Variants in LSAMP observed in about 807,000 individuals in gnomAD.
LSAMP encodes the protein limbic system associated membrane protein.
LSAMP carries 7 observed loss-of-function variants against 38.6 expected under a neutral mutation model. The observed-to-expected ratio is 0.18, with a 90% CI of 0.10 to 0.34. The LOEUF (loss-of-function observed/expected upper bound fraction) is 0.34, where lower values mean the gene tolerates loss of function less well. Among genes scored for constraint, LSAMP ranks in the 10% least tolerant of loss-of-function variants. The pLI is 1.00. For synonymous variants in LSAMP, 154 were observed against 166.8 expected, an observed-to-expected ratio of 0.92 and a Z score of 0.59; for missense variants, 313 against 420.0, an observed-to-expected ratio of 0.75 and a Z score of 2.23.
chr3:116,216,176 T>G (rs1162601935), intron 1 of LSAMP, among the ~76,000 whole-genome samples: 2 of 152,220 alleles, frequency 1.3e-5, no homozygotes, highest in Non-Finnish European at 2.9e-5. Context: ...GTGATATCCC[T>G]TTAATTTAAA....
intron 3 of LSAMP, among the ~76,000 whole-genome samples, chr3:115,860,133 G>A (rs1309205693): frequency 6.6e-6 from 1 of 152,228 alleles, no homozygotes; most frequent in Admixed American, 6.5e-5. Context: ...TGTAGAGTGA[G>A]TGTTGTATGA....
chr3:116,091,486 TC>T (rs1189181960), intron 1 of LSAMP, among the ~76,000 whole-genome samples: 46 of 152,246 alleles, frequency 3.0e-4, no homozygotes, highest in African/African-American at 1.1e-3. Flanking sequence ...GTCCATGAAC[TC>T]TTCGCAATTT....
At chr3:116,345,117 T>A (rs1358187450) in intron 1 of LSAMP, among the ~76,000 whole-genome samples, 1 of 151,978 alleles carries the variant, frequency 6.6e-6, no homozygotes, top group African/African-American at 2.4e-5. Context: ...TCTGCTCTCA[T>A]GGAGATTACT....
intron 1 of LSAMP, among the ~76,000 whole-genome samples, chr3:116,259,074 T>C (rs2046792654): frequency 6.6e-6 from 1 of 152,144 alleles, no homozygotes; most frequent in South Asian, 2.1e-4. Context: ...TTTCAGTTCA[T>C]GAGTGGTGTT....
intron 3 of LSAMP, among the ~76,000 whole-genome samples, chr3:115,990,525 T>G (rs2107641662): frequency 6.6e-6 from 1 of 152,216 alleles, no homozygotes; most frequent in South Asian, 2.1e-4. Flanking sequence ...CTTATTTTCT[T>G]TCTAGCCATC....
intron 1 of LSAMP, among the ~76,000 whole-genome samples, chr3:116,296,156 C>T (rs1200728120): frequency 6.6e-6 from 1 of 152,164 alleles, no homozygotes; most frequent in Non-Finnish European, 1.5e-5. Flanking sequence ...TAATTCCGTC[C>T]CAGTCTTTGA....
chr3:115,903,450 C>T (rs1307960175), intron 3 of LSAMP, among the ~76,000 whole-genome samples: 1 of 151,752 alleles, frequency 6.6e-6, no homozygotes, highest in Non-Finnish European at 1.5e-5. Context: ...CATGAGTTTA[C>T]CTATATAAAA....
chr3:115,950,418 G>C (rs577891666), intron 3 of LSAMP, among the ~76,000 whole-genome samples: 1 of 151,610 alleles, frequency 6.6e-6, no homozygotes, highest in Non-Finnish European at 1.5e-5. Context: ...TATACAAATC[G>C]GTACCACTGC....
chr3:116,136,322 A>G (rs1024418596), intron 1 of LSAMP, among the ~76,000 whole-genome samples: 8 of 151,782 alleles, frequency 5.3e-5, no homozygotes, highest in African/African-American at 1.9e-4. Flanking sequence ...AGAAGATAAG[A>G]GTGTGCTTTT....
intron 3 of LSAMP, among the ~76,000 whole-genome samples, chr3:115,992,624 C>A (rs551003602): frequency 6.6e-6 from 1 of 151,912 alleles, no homozygotes; most frequent in African/African-American, 2.4e-5. Flanking sequence ...AAATAAAAAG[C>A]TTTTCAAAAA....
At chr3:116,196,866 T>G (rs144706881) in intron 1 of LSAMP, among the ~76,000 whole-genome samples, 125 of 152,292 alleles carry the variant, frequency 8.2e-4, no homozygotes, top group African/African-American at 3.0e-3. Context: ...ACATCCTTCT[T>G]GGGCTCCCAC....
At chr3:116,167,732 A>G (rs79242080) in intron 1 of LSAMP, among the ~76,000 whole-genome samples, 2,363 of 152,348 alleles carry the variant, frequency 0.016, 61 homozygotes, top group African/African-American at 0.054. Flanking sequence ...GGCATATGCT[A>G]TTCTCAACAC....
At chr3:116,375,767 C>G (rs1378892169) in intron 1 of LSAMP, among the ~76,000 whole-genome samples, 1 of 151,830 alleles carries the variant, frequency 6.6e-6, no homozygotes, top group Non-Finnish European at 1.5e-5. Context: ...ATTGATAAAA[C>G]TTACTTTGAA....
intron 1 of LSAMP, among the ~76,000 whole-genome samples, chr3:116,225,797 A>C (rs2046336050): frequency 6.6e-6 from 1 of 151,984 alleles, no homozygotes; most frequent in Admixed American, 6.6e-5. Context: ...AATCGTGAGC[A>C]AAAAGTGTTC....
intron 3 of LSAMP, among the ~76,000 whole-genome samples, chr3:115,949,217 C>G (rs1338058353): frequency 6.6e-6 from 1 of 152,082 alleles, no homozygotes; most frequent in East Asian, 1.9e-4. Flanking sequence ...CAAGATTGGG[C>G]CACTGCACTG....
At chr3:115,833,110 G>A (rs1214938622) in intron 6 of LSAMP, among the ~76,000 whole-genome samples, 1 of 152,100 alleles carries the variant, frequency 6.6e-6, no homozygotes, top group African/African-American at 2.4e-5. Flanking sequence ...GCTATCCAAT[G>A]GTACAAATGC....
chr3:116,198,615 C>A (rs1401678165), intron 1 of LSAMP, among the ~76,000 whole-genome samples: 1 of 151,468 alleles, frequency 6.6e-6, no homozygotes, highest in Non-Finnish European at 1.5e-5. Context: ...TAAAAAAATA[C>A]AAAAAATTAG....
intron 1 of LSAMP, among the ~76,000 whole-genome samples, chr3:116,135,702 C>T (rs183726285): frequency 4.6e-5 from 7 of 152,276 alleles, no homozygotes; most frequent in Admixed American, 4.6e-4. Flanking sequence ...GAAAAACAAC[C>T]AGAAGCCTAA....
intron 1 of LSAMP, among the ~76,000 whole-genome samples, chr3:116,202,046 G>T (rs1041614086): frequency 2.0e-5 from 3 of 151,590 alleles, no homozygotes. Context: ...ATGATTCCAG[G>T]TTTGCCTACT....
Sources: allele counts gnomAD v4.1 joint callset (sites outside exome capture counted in the v4.1 genomes callset), GRCh38; gene constraint gnomAD v4.1.1; transcripts MANE v1.5; gene names NCBI Gene and HGNC (gene_info 2026-07-23, HGNC 2026-07-21).